The following EXPH5 variants were observed in gnomAD, a reference collection of about 807,000 sequenced individuals.
EXPH5 encodes exophilin 5, also known as exophilin-5.
In EXPH5, 42 loss-of-function variants were observed where a neutral mutation model predicts 41.1. The observed-to-expected ratio is 1.02, with a 90% CI of 0.80 to 1.32. EXPH5 has a LOEUF of 1.32. EXPH5 is among the 40% of genes most tolerant of loss of function. The pLI is 0.00. For synonymous variants in EXPH5, 798 were observed against 833.5 expected, an observed-to-expected ratio of 0.96 and a Z score of 0.73; for missense variants, 2,298 against 2,314.5, an observed-to-expected ratio of 0.99 and a Z score of 0.15.
chr11:108,535,752 A>G (rs2093875510), intron 3 of EXPH5, among the ~76,000 whole-genome samples: 1 of 152,222 alleles, frequency 6.6e-6, no homozygotes, highest in Admixed American at 6.5e-5. Context: ...CATGCCTGAG[A>G]GTAGCTAGGT....
At chr11:108,548,893 G>A (rs2093951185) in intron 1 of EXPH5, among the ~76,000 whole-genome samples, 1 of 152,172 alleles carries the variant, frequency 6.6e-6, no homozygotes, top group Non-Finnish European at 1.5e-5. Context: ...ACATAAAGTG[G>A]AAGTGTGGTG....
intron 1 of EXPH5, among the ~76,000 whole-genome samples, chr11:108,590,592 A>G (rs979221231): frequency 6.6e-6 from 1 of 152,132 alleles, no homozygotes; most frequent in Non-Finnish European, 1.5e-5. Context: ...CCTCACACCT[A>G]TCTCAGAACA....
intron 1 of EXPH5, among the ~76,000 whole-genome samples, chr11:108,585,232 T>TA (rs1475847409): frequency 2.6e-5 from 4 of 152,064 alleles, no homozygotes; most frequent in Admixed American, 2.0e-4. Context: ...ATGGTTAAAA[T>TA]AAAAAAATAT....
At chr11:108,533,948 C>T (rs1157921584) in intron 3 of EXPH5, among the ~76,000 whole-genome samples, 1 of 152,140 alleles carries the variant, frequency 6.6e-6, no homozygotes, top group Non-Finnish European at 1.5e-5. Flanking sequence ...GTGTGTACCA[C>T]CATGCCTGGC....
intron 4 of EXPH5, among the ~76,000 whole-genome samples, chr11:108,521,101 T>A (rs116808704): frequency 0.011 from 1,610 of 152,272 alleles, 31 homozygotes; most frequent in African/African-American, 0.036. Context: ...GTCTTTATTT[T>A]CAGCTCACTC....
At chr11:108,518,519 A>G in intron 4 of EXPH5, 146 bp from the exon 5 acceptor site, 1 of 747,336 alleles carries the variant, frequency 1.3e-6, no homozygotes, top group South Asian at 2.2e-5. Context: ...CTCAATTTAT[A>G]ATGTGTTGTT....
Position 108,508,655 on chromosome 11 carries a change from C to T in EXPH5, c.*882G>A, listed in dbSNP as rs1251107202. On this transcript the variant is annotated 3_prime_UTR_variant, in exon 6 of 6. Transcript: ENST00000265843. ...CGGTCCCATGAAGGGATACCTACTTCCTACCTCTGCTCCTCAGCTATGTTC... is the reference window on the plus strand; with the variant it reads ...CGGTCCCATGAAGGGATACCTACTTTCTACCTCTGCTCCTCAGCTATGTTC... The T allele has an allele frequency of 6.6e-6, 1 of 152,250 alleles. No homozygotes were observed. Among genetic ancestry groups the T allele is most frequent in the Non-Finnish European group, 1.5e-5 (1 of 68,054 alleles). The allele number at this position is 152,250 out of a possible 1,614,324, so 9.4% of individuals were successfully genotyped here. A position where few individuals can be genotyped will look rare whatever the true frequency, so the allele number is the denominator to read the frequency against.
At position 108,593,499 on chromosome 11, in the gene EXPH5, A is replaced by G. The variant is rs571031138; in HGVS notation, c.38T>C (p.Leu13Ser). ...KVPPAFDFSF[L>S]NDEEARKILQ... ...GATCTTCCTGGCCTCTTCGTCATTT[A>G]AGAAACTGAAATCAAACGCCGGAGG... Residue 13 changes from leucine (L) to serine (S), a missense_variant, in exon 1 of 6, where the codon TTA becomes TCA. Coordinates refer to ENST00000265843, the MANE Select transcript of EXPH5 (RefSeq NM_015065.3). 1 of 1,614,136 alleles carries G rather than the reference A, an allele frequency of 6.2e-7. No individual in the cohort carries two copies. The highest frequency in any genetic ancestry group is 1.1e-5 in the South Asian group (1 of 91,080).
At chr11:108,525,762 G>A (rs554994402) in intron 4 of EXPH5, among the ~76,000 whole-genome samples, 26 of 152,054 alleles carry the variant, frequency 1.7e-4, no homozygotes, top group Non-Finnish European at 4.4e-5. Flanking sequence ...CCAGCTCTCT[G>A]TGGGGTTGAG....
chr11:108,570,931 C>A (rs910396114), intron 1 of EXPH5, among the ~76,000 whole-genome samples: 21 of 152,288 alleles, frequency 1.4e-4, no homozygotes, highest in Non-Finnish European at 2.2e-4. Context: ...GGGTTTTAGA[C>A]ACGTGCAAGT....
At position 108,573,202 on chromosome 11, in the gene EXPH5, G is replaced by GAAAGAA. The variant is rs1565830833; in HGVS notation, c.119+20210_119+20215dup. ...AAAGAAAGAAAGAAAGAAAGAAAAA[G>GAAAGAA]AAAGAAAGAAAGAAAGAAAGGGAAA... is the stretch of plus-strand genomic sequence containing the variant. On this transcript the variant is annotated intron_variant, in intron 1 of 5. Transcript: ENST00000265843. Among the ~76,000 whole-genome samples the GAAAGAA allele has an allele frequency of 5.1e-3, 600 of 116,844 alleles. 5 individuals are homozygous for GAAAGAA. Among genetic ancestry groups the GAAAGAA allele is most frequent in the Non-Finnish European group, 5.1e-3 (267 of 51,854 alleles). The allele number at this position is 116,844 out of a possible 152,430, so 76.7% of individuals were successfully genotyped here.
At chr11:108,568,582 G>T (rs1301027304) in intron 1 of EXPH5, among the ~76,000 whole-genome samples, 1 of 152,128 alleles carries the variant, frequency 6.6e-6, no homozygotes. Flanking sequence ...TACAACAAGA[G>T]ATCTGCCTTT....
intron 1 of EXPH5, among the ~76,000 whole-genome samples, chr11:108,591,365 T>C (rs972307635): frequency 7.9e-5 from 12 of 152,164 alleles, no homozygotes; most frequent in African/African-American, 2.9e-4. Flanking sequence ...AATTAATACA[T>C]GTGAGCCTGA....
At chr11:108,572,843 G>A (rs1412926149) in intron 1 of EXPH5, among the ~76,000 whole-genome samples, 1 of 152,110 alleles carries the variant, frequency 6.6e-6, no homozygotes, top group African/African-American at 2.4e-5. Context: ...ACAGGCATGA[G>A]CCACTGCACC....
intron 1 of EXPH5, among the ~76,000 whole-genome samples, chr11:108,570,469 G>T (rs2094055299): frequency 6.6e-6 from 1 of 152,000 alleles, no homozygotes; most frequent in Non-Finnish European, 1.5e-5. Context: ...TGGCCAGGCT[G>T]GTCTCAAACT....
chr11:108,531,335 T>C (rs1200963659), intron 3 of EXPH5, among the ~76,000 whole-genome samples: 1 of 152,214 alleles, frequency 6.6e-6, no homozygotes, highest in Non-Finnish European at 1.5e-5. Flanking sequence ...CTCACGCCTG[T>C]AATCCCAGCT....
At chr11:108,564,862 G>C (rs1186758927) in intron 1 of EXPH5, among the ~76,000 whole-genome samples, 7 of 150,168 alleles carry the variant, frequency 4.7e-5, no homozygotes, top group Admixed American at 4.6e-4. Flanking sequence ...GATTACTAGA[G>C]AGGTTGAACA....
intron 1 of EXPH5, 125 bp from the exon 2 acceptor site, chr11:108,541,937 G>A (rs961952784): frequency 1.6e-5 from 11 of 688,432 alleles, no homozygotes; most frequent in Middle Eastern, 4.2e-4. Context: ...GAGTGCAGTG[G>A]CACAACCTCG....
At chr11:108,570,769 CT>C (rs1355185106) in intron 1 of EXPH5, among the ~76,000 whole-genome samples, 1 of 152,212 alleles carries the variant, frequency 6.6e-6, no homozygotes, top group Non-Finnish European at 1.5e-5. Flanking sequence ...TGGTCTTGAA[CT>C]CCTGGCTTCA....
Sources: allele counts gnomAD v4.1 joint callset (sites outside exome capture counted in the v4.1 genomes callset), GRCh38; gene constraint gnomAD v4.1.1; transcripts MANE v1.5; gene names NCBI Gene and HGNC (gene_info 2026-07-23, HGNC 2026-07-21).